The following CTNNA3 variants were observed in gnomAD, a reference collection of about 807,000 sequenced individuals.
The protein encoded by CTNNA3 is catenin alpha-3.
A neutral mutation model predicts 95.7 loss-of-function variants in CTNNA3; 76 were observed. The ratio of observed to expected loss-of-function variants is 0.79; its 90% CI spans 0.66 to 0.96. The LOEUF is 0.96. Ranked by LOEUF, CTNNA3 falls within the 40% of genes least tolerant of loss-of-function variation. CTNNA3 has a pLI of 0.00. For synonymous variants in CTNNA3, 431 were observed against 374.4 expected, an observed-to-expected ratio of 1.15 and a Z score of -1.74; for missense variants, 1,191 against 1,089.8, an observed-to-expected ratio of 1.09 and a Z score of -1.31.
chr10:66,601,261 G>A (rs1467410024), intron 10 of CTNNA3, among the ~76,000 whole-genome samples: 2 of 151,696 alleles, frequency 1.3e-5, no homozygotes, highest in African/African-American at 4.8e-5. Context: ...CATTCAACGA[G>A]CAGAAATTGA....
chr10:67,616,214 G>A (rs1036737013), intron 2 of CTNNA3, among the ~76,000 whole-genome samples: 1 of 152,126 alleles, frequency 6.6e-6, no homozygotes, highest in African/African-American at 2.4e-5. Flanking sequence ...AGGCTGGTAT[G>A]GAGGCACCAA....
intron 7 of CTNNA3, among the ~76,000 whole-genome samples, chr10:66,913,062 A>T (rs1011653886): frequency 3.3e-5 from 5 of 151,290 alleles, no homozygotes; most frequent in African/African-American, 1.2e-4. Context: ...ACACGGTGAA[A>T]CCCCGTCTCT....
intron 7 of CTNNA3, among the ~76,000 whole-genome samples, chr10:67,129,164 C>A (rs1330131200): frequency 6.6e-6 from 1 of 152,138 alleles, no homozygotes; most frequent in Non-Finnish European, 1.5e-5. Flanking sequence ...CTCTACATAG[C>A]ACTTGCCTCT....
chr10:65,979,740 A>G (rs914549946), intron 16 of CTNNA3, among the ~76,000 whole-genome samples: 1 of 152,090 alleles, frequency 6.6e-6, no homozygotes, highest in Non-Finnish European at 1.5e-5. Context: ...CAGTGAAAAA[A>G]TGTCAGACAT....
intron 9 of CTNNA3, among the ~76,000 whole-genome samples, chr10:66,669,241 T>C (rs12251104): frequency 0.026 from 4,026 of 152,120 alleles, 196 homozygotes; most frequent in African/African-American, 0.093. Flanking sequence ...TAGCAGATCA[T>C]GTTAAAAGAA....
chr10:67,240,648 G>C (rs1865683924), intron 5 of CTNNA3, among the ~76,000 whole-genome samples: 1 of 152,060 alleles, frequency 6.6e-6, no homozygotes, highest in Non-Finnish European at 1.5e-5. Context: ...AATTCAAATA[G>C]GAAACTGAGA....
At chr10:67,001,734 C>G (rs1230178113) in intron 7 of CTNNA3, among the ~76,000 whole-genome samples, 1 of 152,052 alleles carries the variant, frequency 6.6e-6, no homozygotes, top group Non-Finnish European at 1.5e-5. Context: ...TTGTCAGGCA[C>G]ACATCAAGGA....
At chr10:66,592,679 G>C (rs1843592553) in intron 10 of CTNNA3, among the ~76,000 whole-genome samples, 1 of 152,142 alleles carries the variant, frequency 6.6e-6, no homozygotes, top group Non-Finnish European at 1.5e-5. Flanking sequence ...ATATATGTTA[G>C]TGTGGGTTGA....
At chr10:66,656,385 G>A (rs982884182) in intron 9 of CTNNA3, among the ~76,000 whole-genome samples, 6 of 152,124 alleles carry the variant, frequency 3.9e-5, no homozygotes, top group African/African-American at 1.2e-4. Context: ...AAGCTGCAAT[G>A]AAGTAGATTT....
At chr10:66,884,828 T>G (rs1384008578) in intron 7 of CTNNA3, among the ~76,000 whole-genome samples, 1 of 152,048 alleles carries the variant, frequency 6.6e-6, no homozygotes, top group Non-Finnish European at 1.5e-5. Context: ...GCATTAGAGT[T>G]TGGGCAATCC....
intron 11 of CTNNA3, among the ~76,000 whole-genome samples, chr10:66,497,289 C>T (rs1468599642): frequency 6.6e-6 from 1 of 151,766 alleles, no homozygotes; most frequent in Non-Finnish European, 1.5e-5. Flanking sequence ...AGTGCACAGT[C>T]AAAATTATTA....
At chr10:66,959,346 T>C (rs1279124224) in intron 7 of CTNNA3, among the ~76,000 whole-genome samples, 1 of 152,210 alleles carries the variant, frequency 6.6e-6, no homozygotes, top group Non-Finnish European at 1.5e-5. Flanking sequence ...ACAGGATTTC[T>C]ATTTTTATTC....
At chr10:66,723,041 A>G (rs1848677629) in intron 9 of CTNNA3, among the ~76,000 whole-genome samples, 1 of 151,958 alleles carries the variant, frequency 6.6e-6, no homozygotes, top group African/African-American at 2.4e-5. Context: ...CTGCTCTATC[A>G]TTCTAGCTTC....
chr10:66,645,911 T>C (rs1845691981), intron 9 of CTNNA3, among the ~76,000 whole-genome samples: 1 of 152,226 alleles, frequency 6.6e-6, no homozygotes, highest in Non-Finnish European at 1.5e-5. Flanking sequence ...GTTCCATTGA[T>C]CTATGTGTCT....
At chr10:66,514,829 G>C (rs1336720960) in intron 11 of CTNNA3, among the ~76,000 whole-genome samples, 3 of 152,070 alleles carry the variant, frequency 2.0e-5, no homozygotes, top group Non-Finnish European at 4.4e-5. Context: ...TTCTATCAAA[G>C]TTTGTAGCTC....
chr10:66,662,556 A>G (rs1846300056), intron 9 of CTNNA3, among the ~76,000 whole-genome samples: 10 of 151,946 alleles, frequency 6.6e-5, no homozygotes, highest in Admixed American at 6.6e-4. Context: ...CTCAACATCT[A>G]TTCACTCTCT....
intron 6 of CTNNA3, among the ~76,000 whole-genome samples, chr10:67,212,506 C>T (rs921289337): frequency 6.6e-6 from 1 of 151,832 alleles, no homozygotes; most frequent in Non-Finnish European, 1.5e-5. Context: ...CTATAATTTA[C>T]TCATTTTTAT....
At chr10:66,008,116 C>G (rs1461328705) in intron 15 of CTNNA3, among the ~76,000 whole-genome samples, 1 of 152,076 alleles carries the variant, frequency 6.6e-6, no homozygotes, top group Admixed American at 6.6e-5. Flanking sequence ...TAGAACTGCT[C>G]CCCAAACTCT....
chr10:67,211,405 G>C (rs1258376508), intron 6 of CTNNA3, among the ~76,000 whole-genome samples: 1 of 152,026 alleles, frequency 6.6e-6, no homozygotes, highest in Non-Finnish European at 1.5e-5. Context: ...AAGAAGCCAA[G>C]AGCAAACAAG....
Sources: allele counts gnomAD v4.1 joint callset (sites outside exome capture counted in the v4.1 genomes callset), GRCh38; gene constraint gnomAD v4.1.1; transcripts MANE v1.5; gene names NCBI Gene and HGNC (gene_info 2026-07-23, HGNC 2026-07-21).